The following IGF2R variants were observed in gnomAD, a reference collection of about 807,000 sequenced individuals.
IGF2R encodes the protein cation-independent mannose-6-phosphate receptor.
In IGF2R, 91 loss-of-function variants were observed where a neutral mutation model predicts 270.6. The observed-to-expected ratio is 0.34, with a 90% CI of 0.28 to 0.40. The LOEUF (loss-of-function observed/expected upper bound fraction) is 0.40. IGF2R is among the 10% of genes least tolerant of loss of function. The pLI is 1.00. For missense variants in IGF2R, 2,805 were observed against 3,188.3 expected, an observed-to-expected ratio of 0.88 and a Z score of 2.90; for synonymous variants, 1,316 against 1,258.9, an observed-to-expected ratio of 1.05 and a Z score of -0.96.
At chr6:160,075,112 C>A (rs1411163762) in intron 35 of IGF2R, among the ~76,000 whole-genome samples, 1 of 151,652 alleles carries the variant, frequency 6.6e-6, no homozygotes, top group African/African-American at 2.4e-5. Context: ...ACACTCACAC[C>A]CACATGCACA....
intron 5 of IGF2R, 103 bp from the exon 6 acceptor site, chr6:160,027,080 CTT>C (rs1370712201): frequency 5.4e-6 from 7 of 1,285,210 alleles, no homozygotes; most frequent in Non-Finnish European, 7.8e-6. Flanking sequence ...CTTAGGGAGA[CTT>C]TTAGGAATTC....
intron 39 of IGF2R, among the ~76,000 whole-genome samples, chr6:160,082,832 C>T (rs1194811853): frequency 1.3e-5 from 2 of 152,238 alleles, no homozygotes; most frequent in Non-Finnish European, 2.9e-5. Context: ...GCAGGTGCTC[C>T]TGAGGCAGCA....
At chr6:160,069,056 C>T (rs534139807) in intron 30 of IGF2R, among the ~76,000 whole-genome samples, 15 of 152,042 alleles carry the variant, frequency 9.9e-5, no homozygotes, top group South Asian at 8.3e-4. Context: ...GGGGGTGTGA[C>T]GTGGAGGTCT....
intron 11 of IGF2R, among the ~76,000 whole-genome samples, chr6:160,041,381 G>C (rs1429068633): frequency 6.6e-6 from 1 of 152,148 alleles, no homozygotes; most frequent in Non-Finnish European, 1.5e-5. Context: ...ACCCAGAACA[G>C]TCACAGAACT....
rs117065196 is a variant in IGF2R at position 160,053,617 on chromosome 6, A to T, written c.2695-2807A>T. Among the ~76,000 whole-genome samples, 173 of 152,076 alleles carry T rather than the reference A, an allele frequency of 1.1e-3. 1 individual carries two copies. Among genetic ancestry groups the T allele is most frequent in the Non-Finnish European group, 2.1e-3 (140 of 67,976 alleles). ...TGCTTCTGTTTTTTAATTGGGGTAA[A>T]ATATATATAACATTAAACTGACCAT... On this transcript the variant is annotated intron_variant, in intron 19 of 47. Transcript: ENST00000356956.
At chr6:160,080,298 C>T (rs770183529) in intron 39 of IGF2R, 23 bp downstream of exon 39, 8 of 1,608,188 alleles carry the variant, frequency 5.0e-6, no homozygotes, top group Non-Finnish European at 6.8e-6. Flanking sequence ...GCTCCGCGTC[C>T]CCACATGGCC....
At chr6:160,042,208 T>C (rs1203379654) in intron 11 of IGF2R, among the ~76,000 whole-genome samples, 4 of 152,138 alleles carry the variant, frequency 2.6e-5, no homozygotes, top group African/African-American at 9.7e-5. Context: ...CCCTTAAGAC[T>C]TTACAGCCCA....
chr6:159,991,394 A>T, intron 2 of IGF2R, 71 bp downstream of exon 2: 2 of 1,346,110 alleles, frequency 1.5e-6, no homozygotes, highest in East Asian at 4.6e-5. Context: ...GACTGTGTAT[A>T]GCTATACGTA....
At chr6:160,064,978 G>C in intron 29 of IGF2R, 77 bp downstream of exon 29, 1 of 938,092 alleles carries the variant, frequency 1.1e-6, no homozygotes. Context: ...GTGGTCTTGG[G>C]TGCAGGGGAT....
chr6:160,102,498 T>A lies in IGF2R; in HGVS notation c.6843-21T>A, dbSNP rs1779508528. On this transcript the variant is annotated intron_variant, in intron 45 of 47. Coordinates refer to ENST00000356956, the MANE Select transcript of IGF2R (RefSeq NM_000876.4). This position sits in a 1 kb window ranked among gnomAD's most constrained non-coding sequence, Gnocchi z 4.5. ...CAGGACCACCCTGTGACACGGCTCC[T>A]TTTCTGTGACGTCCTTGCAGGGTGG... 1 of 1,605,622 alleles carries A rather than the reference T, an allele frequency of 6.2e-7. No individual in the cohort carries two copies. The highest frequency in any genetic ancestry group is 1.3e-5 in the African/African-American group (1 of 74,764).
At chr6:159,970,747 A>G (rs1369920785) in intron 1 of IGF2R, among the ~76,000 whole-genome samples, 1 of 152,190 alleles carries the variant, frequency 6.6e-6, no homozygotes. Flanking sequence ...CATTTAGAGG[A>G]AGGCATTTTG....
intron 22 of IGF2R, among the ~76,000 whole-genome samples, chr6:160,059,605 T>C (rs145000152): frequency 1.4e-4 from 22 of 152,318 alleles, no homozygotes; most frequent in Non-Finnish European, 2.5e-4. Context: ...TTCTGAAACA[T>C]CACATCATAT....
chr6:160,047,028 C>T, intron 15 of IGF2R, 131 bp from the exon 16 acceptor site: 1 of 781,762 alleles, frequency 1.3e-6, no homozygotes, highest in Admixed American at 2.1e-5. Context: ...TGTGTGGGTT[C>T]CTGTGGTCTG....
At chr6:160,099,588 C>T (rs568801055) in intron 45 of IGF2R, among the ~76,000 whole-genome samples, 3 of 152,182 alleles carry the variant, frequency 2.0e-5, no homozygotes, top group South Asian at 2.1e-4. Flanking sequence ...AGGTTGATCT[C>T]GATCTCCTGA....
In IGF2R at chr6:160,102,144, C is replaced by T. The variant is rs1319497264; in HGVS notation, c.6843-375C>T. 6.6e-6 allele frequency among the ~76,000 whole-genome samples: 1 copy of T among 152,156 alleles called. No homozygotes were observed. Among genetic ancestry groups the T allele is most frequent in the African/African-American group, 2.4e-5 (1 of 41,432 alleles). On this transcript the variant is annotated intron_variant, in intron 45 of 47. Transcript: ENST00000356956. The surrounding 1 kb of genome is among the most constrained non-coding windows in gnomAD (Gnocchi z 4.5). ...AATTCTGAGAGGAAAGAGCTCTGAC[C>T]CTGGAGAGAAGTGTGGTGCTTCGGG...
chr6:159,996,234 C>T (rs144508906), intron 2 of IGF2R, among the ~76,000 whole-genome samples: 186 of 152,260 alleles, frequency 1.2e-3, no homozygotes, highest in African/African-American at 4.2e-3. Context: ...TTTTGTTCTC[C>T]CTTGCTTTGC....
chr6:160,087,738 C>T (rs1183412228), intron 41 of IGF2R, among the ~76,000 whole-genome samples: 3 of 152,288 alleles, frequency 2.0e-5, no homozygotes, highest in African/African-American at 4.8e-5. Context: ...GGCGCCATCT[C>T]GATCTTGGCT....
At chr6:160,003,732 T>C (rs1784166862) in intron 2 of IGF2R, 1 of 152,246 alleles carries the variant, frequency 6.6e-6, no homozygotes, top group Non-Finnish European at 1.5e-5. Context: ...AATCTCTTTT[T>C]TTCATGGAGC....
intron 4 of IGF2R, among the ~76,000 whole-genome samples, chr6:160,022,331 C>T (rs1407286663): frequency 6.6e-6 from 1 of 152,182 alleles, no homozygotes; most frequent in African/African-American, 2.4e-5. Context: ...ACACTAAAAG[C>T]ACAGACCTCA....
Sources: gnomAD v4.1 joint callset for allele counts (sites outside exome capture counted in the v4.1 genomes callset) on GRCh38, gnomAD v4.1.1 for gene constraint, Gnocchi (gnomAD v3.1) non-coding constraint, MANE v1.5 for transcripts, NCBI Gene and HGNC (gene_info 2026-07-23, HGNC 2026-07-21) for gene names.